RYR2: variants seen among roughly 807,000 people sequenced by gnomAD.
RYR2 encodes ryanodine receptor 2.
A neutral mutation model predicts 601.1 loss-of-function variants in RYR2; 227 were observed. The observed-to-expected ratio is 0.38, with a 90% confidence interval of 0.34 to 0.42. The LOEUF is 0.42. RYR2 is among the 10% of genes least tolerant of loss of function. The pLI is 1.00. For synonymous variants in RYR2, 2,223 were observed against 2,175.1 expected, an observed-to-expected ratio of 1.02 and a Z score of -0.61; for missense variants, 4,646 against 6,156.5, an observed-to-expected ratio of 0.75 and a Z score of 8.21.
intron 60 of RYR2, among the ~76,000 whole-genome samples, chr1:237,677,263 T>C (rs985820914): frequency 6.6e-6 from 1 of 152,166 alleles, no homozygotes; most frequent in Non-Finnish European, 1.5e-5. Flanking sequence ...AGCTCTCCAA[T>C]ATGTTCTGCA....
At chr1:237,326,377 A>C (rs776574258) in intron 2 of RYR2, among the ~76,000 whole-genome samples, 3 of 152,192 alleles carry the variant, frequency 2.0e-5, no homozygotes, top group Non-Finnish European at 4.4e-5. Context: ...TGTTGTCTCC[A>C]TATGAAAAGT....
intron 1 of RYR2, among the ~76,000 whole-genome samples, chr1:237,100,928 G>T (rs1572633065): frequency 6.6e-6 from 1 of 152,008 alleles, no homozygotes; most frequent in African/African-American, 2.4e-5. Flanking sequence ...TGTCCAGTCT[G>T]GTCCTCTCTG....
chr1:237,110,340 G>T (rs1669317815), intron 1 of RYR2, among the ~76,000 whole-genome samples: 1 of 151,556 alleles, frequency 6.6e-6, no homozygotes, highest in African/African-American at 2.4e-5. Context: ...ATGTATACAT[G>T]TGTCATGCTG....
intron 50 of RYR2, 117 bp downstream of exon 50, chr1:237,650,214 AT>A: frequency 3.1e-6 from 3 of 963,296 alleles, no homozygotes; most frequent in African/African-American, 1.6e-5. Flanking sequence ...AATTTAATTC[AT>A]TTTAGGTAGT....
chr1:237,638,247 A>G (rs1304674152), intron 44 of RYR2, 110 bp from the exon 45 acceptor site: 3 of 1,458,724 alleles, frequency 2.1e-6, no homozygotes, highest in Non-Finnish European at 2.8e-6. Flanking sequence ...ATTTGCAAAA[A>G]TGCATTTGTT....
At chr1:237,578,756 C>T (rs887943498) in intron 29 of RYR2, among the ~76,000 whole-genome samples, 8 of 89,110 alleles carry the variant, frequency 9.0e-5, no homozygotes, top group African/African-American at 1.8e-4. Flanking sequence ...CAGTGTCTCT[C>T]GCCCATTCTG....
rs1431223272 is a variant in RYR2, at chr1:237,633,563, A to G, written c.6556-15A>G. The G allele has an allele frequency of 9.9e-6, 16 of 1,613,488 alleles. No individual in the cohort carries two copies. The highest frequency in any genetic ancestry group is 1.3e-5 in the Non-Finnish European group (15 of 1,179,734). ...TCGTTTGCTTTCAGCAGCTAATGAC[A>G]TGCTTTATCTGTAGGAAATCACCTT... is the stretch of plus-strand genomic sequence containing the variant. On this transcript the variant is annotated splice_polypyrimidine_tract_variant and intron_variant, in intron 42 of 104. Transcript: ENST00000366574.
chr1:237,243,034 G>T (rs1004483849), intron 1 of RYR2, among the ~76,000 whole-genome samples: 1 of 151,900 alleles, frequency 6.6e-6, no homozygotes, highest in Non-Finnish European at 1.5e-5. Context: ...TGTTGGCTTC[G>T]TATGCAGGCA....
intron 1 of RYR2, among the ~76,000 whole-genome samples, chr1:237,084,837 G>C (rs774834377): frequency 6.6e-6 from 1 of 152,228 alleles, no homozygotes; most frequent in Non-Finnish European, 1.5e-5. Context: ...CACCCTCTGT[G>C]CCCATGCAGG....
chr1:237,660,886 CTCGGGAG>C lies in RYR2; in HGVS notation c.8376_8382del (p.Arg2793GlufsTer34). On this transcript the variant is annotated frameshift_variant, in exon 56 of 105. Transcript: ENST00000366574. LOFTEE classifies it high-confidence loss of function. ...GCTTGGGGCTGGAGAATTGAAAGAA[CTCGGGAG>C]GGAGACAGCATGGCCCTTTACAACC... 6.5e-7 allele frequency: 1 copy of C among 1,538,436 alleles called. No homozygotes were observed. Among genetic ancestry groups the C allele is most frequent in the Non-Finnish European group, 8.8e-7 (1 of 1,139,328 alleles).
chr1:237,514,076 G>A (rs893007842), intron 24 of RYR2, among the ~76,000 whole-genome samples: 3 of 152,214 alleles, frequency 2.0e-5, no homozygotes, highest in African/African-American at 7.2e-5. Context: ...CGTGGATTCA[G>A]CATCTCTGAT....
intron 20 of RYR2, among the ~76,000 whole-genome samples, chr1:237,497,102 C>T (rs1664150766): frequency 6.6e-6 from 1 of 152,104 alleles, no homozygotes; most frequent in Non-Finnish European, 1.5e-5. Flanking sequence ...GAGTTTTCTG[C>T]TTTAATTGGT....
intron 1 of RYR2, among the ~76,000 whole-genome samples, chr1:237,205,496 A>C (rs1681710259): frequency 6.6e-6 from 1 of 152,132 alleles, no homozygotes; most frequent in Non-Finnish European, 1.5e-5. Context: ...TGTGGCCAAG[A>C]GACTATGTGC....
chr1:237,119,563 G>T (rs1237388063), intron 1 of RYR2, among the ~76,000 whole-genome samples: 2 of 152,188 alleles, frequency 1.3e-5, no homozygotes, highest in African/African-American at 2.4e-5. Context: ...GGCCGTTCAG[G>T]TTCCTTGGGT....
intron 3 of RYR2, chr1:237,352,861 T>A (rs1276515788): frequency 1.9e-6 from 1 of 515,608 alleles, no homozygotes; most frequent in Non-Finnish European, 3.9e-6. Context: ...TTTGGATAGG[T>A]ATACAAGGGT....
rs184143160 is a variant in RYR2 at position 237,509,809 on chromosome 1, G to C, written c.2719-1879G>C. Among the ~76,000 whole-genome samples, 40 of 152,332 alleles carry C rather than the reference G, an allele frequency of 2.6e-4. 1 individual carries two copies. Among genetic ancestry groups the C allele is most frequent in the Admixed American group, 2.4e-3 (37 of 15,300 alleles). On this transcript the variant is annotated intron_variant, in intron 23 of 104. Coordinates refer to ENST00000366574, the MANE Select transcript of RYR2 (RefSeq NM_001035.3). Reference sequence around the variant, plus strand: ...AGGTAAATATTTGATCCAAGACTGAGGGATGTGTACAAGATAGCTGGCAAT... The same window carrying C: ...AGGTAAATATTTGATCCAAGACTGACGGATGTGTACAAGATAGCTGGCAAT...
At chr1:237,103,760 G>C (rs1231061857) in intron 1 of RYR2, among the ~76,000 whole-genome samples, 3 of 152,140 alleles carry the variant, frequency 2.0e-5, no homozygotes, top group Admixed American at 6.5e-5. Flanking sequence ...GTAGAGACAG[G>C]GTTTTACCAT....
chr1:237,685,412 G>T (rs537024162), intron 62 of RYR2, among the ~76,000 whole-genome samples: 1 of 152,194 alleles, frequency 6.6e-6, no homozygotes, highest in South Asian at 2.1e-4. Flanking sequence ...AGATTTTCAG[G>T]CATTACATAT....
At chr1:237,474,234 TATATGTATAGATATATAC>T (rs1232386141) in intron 17 of RYR2, among the ~76,000 whole-genome samples, 180 of 144,034 alleles carry the variant, frequency 1.2e-3, no homozygotes, top group African/African-American at 3.0e-3. Flanking sequence ...TCTATACATA[TATATGTATAGATATATAC>T]ATATGTATAG....
Sources: allele counts gnomAD v4.1 joint callset (sites outside exome capture counted in the v4.1 genomes callset), GRCh38; gene constraint gnomAD v4.1.1; transcripts MANE v1.5; gene names NCBI Gene and HGNC (gene_info 2026-07-23, HGNC 2026-07-21).